HDAC4: variants seen among roughly 807,000 people sequenced by gnomAD.
HDAC4 encodes the protein histone deacetylase A.
In HDAC4, 16 loss-of-function variants were observed where a neutral mutation model predicts 135.1. The ratio of observed to expected loss-of-function variants is 0.12; its 90% confidence interval spans 0.08 to 0.18. HDAC4 has a LOEUF of 0.18. HDAC4 is among the 10% of genes least tolerant of loss of function. The pLI, the probability that HDAC4 is intolerant of heterozygous loss-of-function variation, is 1.00. For missense variants in HDAC4, 1,143 were observed against 1,511.8 expected, an observed-to-expected ratio of 0.76 and a Z score of 4.05; for synonymous variants, 685 against 653.4, an observed-to-expected ratio of 1.05 and a Z score of -0.74.
intron 1 of HDAC4, among the ~76,000 whole-genome samples, chr2:239,366,344 C>T (rs891699115): frequency 3.3e-5 from 5 of 152,234 alleles, no homozygotes; most frequent in African/African-American, 1.2e-4. Context: ...GAATAACTGT[C>T]CGTTAGCAGC....
At chr2:239,128,085 T>C (rs899419209) in intron 11 of HDAC4, among the ~76,000 whole-genome samples, 2 of 152,194 alleles carry the variant, frequency 1.3e-5, no homozygotes, top group Non-Finnish European at 2.9e-5. Flanking sequence ...TCACTAGTGT[T>C]CTCTAAACCA....
At position 239,090,221 on chromosome 2, in the gene HDAC4, C is replaced by T. The variant is rs1182679809; in HGVS notation, c.2281-105G>A. ...GGTTCCGTGGGCTCTGCTTCTGAAA[C>T]CCCAGGGCCTACCAGAGCCAGGGCA... On this transcript the variant is annotated intron_variant, in intron 17 of 26. Transcript: ENST00000543185. The T allele has an allele frequency of 6.3e-6, 5 of 794,540 alleles. No individual in the cohort carries two copies. The Admixed American group carries it at 7.8e-5, about 12-fold the overall frequency. The allele number at this position is 794,540 out of a possible 1,614,324, so 49.2% of individuals were successfully genotyped here. A position where few individuals can be genotyped will look rare whatever the true frequency, so the allele number is the denominator to read the frequency against.
chr2:239,187,015 C>T (rs905795517), intron 4 of HDAC4: 1 of 152,608 alleles, frequency 6.6e-6, no homozygotes, highest in Non-Finnish European at 1.5e-5. Context: ...ATGGCGGCTT[C>T]GGGGTGGGGT....
At chr2:239,094,663 C>T (rs2036835008) in intron 17 of HDAC4, 1 of 1,187,850 alleles carries the variant, frequency 8.4e-7, no homozygotes, top group African/African-American at 1.6e-5. Context: ...AGCACGCATC[C>T]TACCCGCACC....
chr2:239,084,226 T>C lies in HDAC4; in HGVS notation c.2461A>G (p.Asn821Asp), dbSNP rs2035639152. The change falls in exon 20 of 27, where the codon AAC becomes GAC. Residue 821 changes from asparagine (N) to aspartate (D), a missense_variant. Around this residue, in one of 9 missense-constraint regions of HDAC4, gnomAD observed 189 missense variants for 317.6 expected, o/e 0.60. Transcript: ENST00000543185. ...AGCTTGGCTGCCACGGCCACGGAGT[T>C]GAAGTAGCAAAAGCCCCTGCGGGAG... ...ESTPMGFCYF[N>D]SVAVAAKLLQ... is the part of the protein sequence containing the mutation. The C allele has an allele frequency of 6.2e-7, 1 of 1,612,580 alleles. No individual in the cohort carries two copies. The highest frequency in any genetic ancestry group is 8.5e-7 in the Non-Finnish European group (1 of 1,179,116).
chr2:239,288,104 C>T (rs2051240027), intron 2 of HDAC4, among the ~76,000 whole-genome samples: 1 of 151,360 alleles, frequency 6.6e-6, no homozygotes, highest in Non-Finnish European at 1.5e-5. Flanking sequence ...AAATTACCGT[C>T]CACTCCAATT....
rs1007181514 is a variant in HDAC4, at chr2:239,379,845, G to C, written c.-220+21133C>G. Among the ~76,000 whole-genome samples, 6 of 152,328 alleles carry C rather than the reference G, an allele frequency of 3.9e-5. No homozygotes were observed. In the East Asian group the frequency reaches 1.2e-3, roughly 29 times the overall value. Reference sequence around the variant, plus strand: ...TCACCACAGGGTCACAGGAAACAAAGGACAGAAGAACACCAAGCCAGGCTC... The same window carrying C: ...TCACCACAGGGTCACAGGAAACAAACGACAGAAGAACACCAAGCCAGGCTC... On this transcript the variant is annotated intron_variant, in intron 1 of 26. Transcript: ENST00000543185.
chr2:239,395,524 T>C (rs1004287109), intron 1 of HDAC4, among the ~76,000 whole-genome samples: 2 of 152,212 alleles, frequency 1.3e-5, no homozygotes, highest in East Asian at 3.8e-4. Context: ...AATGAAGATA[T>C]CTAAATGTTT....
At chr2:239,345,790 T>C (rs1309992878) in intron 2 of HDAC4, among the ~76,000 whole-genome samples, 20 of 68,818 alleles carry the variant, frequency 2.9e-4, no homozygotes, top group East Asian at 5.4e-4. Context: ...CAAACACACA[T>C]ACACACCCTA....
chr2:239,189,942 G>A lies in HDAC4; in HGVS notation c.230C>T (p.Ala77Val), dbSNP rs376553257. The A allele has an allele frequency of 1.9e-5, 31 of 1,609,868 alleles. No individual in the cohort carries two copies. Among genetic ancestry groups the A allele is most frequent in the East Asian group, 2.2e-5 (1 of 44,830 alleles). ...CTGGATCTGCTGCTTCTGCTTGAGC[G>A]CCAGGAGCTCCTGCTGCAGCTGCTG... is the stretch of plus-strand genomic sequence containing the variant. ...REQQLQQELLALKQKQQIQRQ... is the reference protein window; with the variant it reads ...REQQLQQELLVLKQKQQIQRQ... The change falls in exon 4 of 27, where the codon GCG (alanine) becomes GTG (valine). Residue 77 changes from alanine (A) to valine (V), a missense_variant. Ala to Val is a moderately conservative substitution (Grantham distance 64, BLOSUM62 0). This residue lies in a region of HDAC4 where 247 missense variants were observed against 310.0 expected (regional missense o/e 0.80). Transcript: ENST00000543185.
At chr2:239,312,176 G>A (rs2052912515) in intron 2 of HDAC4, among the ~76,000 whole-genome samples, 1 of 152,152 alleles carries the variant, frequency 6.6e-6, no homozygotes, top group African/African-American at 2.4e-5. Flanking sequence ...AAGGAGGGGC[G>A]GGCAGGGGCA....
intron 16 of HDAC4, among the ~76,000 whole-genome samples, chr2:239,098,103 C>T (rs963927581): frequency 6.6e-6 from 1 of 152,234 alleles, no homozygotes; most frequent in African/African-American, 2.4e-5. Flanking sequence ...TGAGTTTGCT[C>T]ATTATCTAGC....
chr2:239,354,752 T>C (rs988470599), intron 1 of HDAC4, among the ~76,000 whole-genome samples: 1 of 152,106 alleles, frequency 6.6e-6, no homozygotes, highest in Admixed American at 6.6e-5. Flanking sequence ...GTTATCTCCT[T>C]AGGAATGACA....
intron 1 of HDAC4, among the ~76,000 whole-genome samples, chr2:239,383,653 T>A (rs1327298813): frequency 6.6e-6 from 1 of 151,550 alleles, no homozygotes; most frequent in African/African-American, 2.4e-5. Context: ...TCTCTGTACC[T>A]GGTGGGAGAA....
At chr2:239,056,710 G>A (rs76708631) in intron 24 of HDAC4, among the ~76,000 whole-genome samples, 2,287 of 152,316 alleles carry the variant, frequency 0.015, 75 homozygotes, top group African/African-American at 0.052. Context: ...AGTGTGCACT[G>A]CACTGTGACT....
At chr2:239,365,333 A>G (rs1694121051) in intron 1 of HDAC4, among the ~76,000 whole-genome samples, 1 of 152,254 alleles carries the variant, frequency 6.6e-6, no homozygotes, top group Non-Finnish European at 1.5e-5. Flanking sequence ...ACTTGAAAGT[A>G]ATAAAATTCC....
chr2:239,159,449 C>T (rs1159376632), intron 6 of HDAC4, among the ~76,000 whole-genome samples: 1 of 148,642 alleles, frequency 6.7e-6, no homozygotes, highest in Non-Finnish European at 1.5e-5. Flanking sequence ...CGCACTCACA[C>T]CCATCTACCT....
At chr2:239,102,281 G>A (rs2037739440) in intron 16 of HDAC4, among the ~76,000 whole-genome samples, 1 of 152,224 alleles carries the variant, frequency 6.6e-6, no homozygotes, top group African/African-American at 2.4e-5. Context: ...TCCCCGGGCA[G>A]AGGATGCCCA....
chr2:239,246,584 C>T (rs906829796), intron 2 of HDAC4, among the ~76,000 whole-genome samples: 1 of 152,238 alleles, frequency 6.6e-6, no homozygotes, highest in Non-Finnish European at 1.5e-5. Flanking sequence ...GCTCTTCCTG[C>T]TCCGCAGGGC....
Sources: gnomAD v4.1 joint callset for allele counts (sites outside exome capture counted in the v4.1 genomes callset) on GRCh38, gnomAD v4.1.1 for gene constraint, gnomAD v4.1.1 regional missense constraint, MANE v1.5 for transcripts, NCBI Gene and HGNC (gene_info 2026-07-23, HGNC 2026-07-21) for gene names.